Variants in SGCZ observed in about 807,000 individuals in gnomAD.
The protein encoded by SGCZ is zeta-sarcoglycan.
Under a neutral mutation model 41.3 loss-of-function variants are expected in SGCZ, and 40 were observed. The observed-to-expected ratio is 0.97, with a 90% confidence interval of 0.75 to 1.26. SGCZ has a LOEUF of 1.26. Ranked by LOEUF, SGCZ falls within the 50% of genes most tolerant of loss-of-function variation. SGCZ has a pLI of 0.00. For synonymous variants in SGCZ, 206 were observed against 137.5 expected (o/e 1.50, Z -3.49); for missense variants, 552 against 369.8 (o/e 1.49, Z -4.04).
At chr8:14,239,460 G>C (rs187540883) in intron 3 of SGCZ, among the ~76,000 whole-genome samples, 4 of 152,170 alleles carry the variant, frequency 2.6e-5, no homozygotes, top group Middle Eastern at 3.4e-3. Flanking sequence ...CTCAATATTT[G>C]TATGATATAG....
chr8:15,105,836 C>A (rs527271038), intron 1 of SGCZ, among the ~76,000 whole-genome samples: 43 of 151,986 alleles, frequency 2.8e-4, no homozygotes, highest in Non-Finnish European at 4.9e-4. Flanking sequence ...TTTTTCAAAT[C>A]CTTTTGAAAG....
At chr8:14,513,778 T>C in intron 2 of SGCZ, among the ~76,000 whole-genome samples, 1 of 152,152 alleles carries the variant, frequency 6.6e-6, no homozygotes, top group East Asian at 1.9e-4. Flanking sequence ...AATTAAAATA[T>C]GCACCAGCCC....
At chr8:14,322,285 C>T (rs1292172803) in intron 3 of SGCZ, among the ~76,000 whole-genome samples, 4 of 151,974 alleles carry the variant, frequency 2.6e-5, no homozygotes, top group African/African-American at 9.7e-5. Context: ...AAGGAAGACA[C>T]AGGAAGGACC....
chr8:15,201,801 G>T lies in SGCZ; in HGVS notation c.39+35784C>A, dbSNP rs553798566. On this transcript the variant is annotated intron_variant, in intron 1 of 7. Transcript: ENST00000382080. ...TTGAAAAGCAGGATACAGATATGTGGAGCATTTTTTTCACAGCACAGTCAT... is the reference window on the plus strand; with the variant it reads ...TTGAAAAGCAGGATACAGATATGTGTAGCATTTTTTTCACAGCACAGTCAT... Among the ~76,000 whole-genome samples the T allele has an allele frequency of 5.3e-5, 8 of 152,288 alleles. No homozygotes were observed. In the South Asian group the frequency reaches 1.7e-3, roughly 32 times the overall value.
intron 3 of SGCZ, among the ~76,000 whole-genome samples, chr8:14,260,417 G>C (rs1310449580): frequency 2.1e-5 from 3 of 143,544 alleles, no homozygotes; most frequent in African/African-American, 7.5e-5. Flanking sequence ...ACACCAGTTA[G>C]AATGGCGATC....
chr8:15,035,100 T>C (rs1803826843), intron 1 of SGCZ, among the ~76,000 whole-genome samples: 1 of 152,090 alleles, frequency 6.6e-6, no homozygotes, highest in African/African-American at 2.4e-5. Context: ...GTATTTTTAG[T>C]ATGAAGGGTA....
At chr8:14,934,229 G>A (rs1040742619) in intron 1 of SGCZ, among the ~76,000 whole-genome samples, 14 of 151,866 alleles carry the variant, frequency 9.2e-5, no homozygotes, top group Non-Finnish European at 1.3e-4. Flanking sequence ...GGGCACCACC[G>A]CATGAAAACT....
chr8:14,428,606 GA>G (rs1799856416), intron 2 of SGCZ, among the ~76,000 whole-genome samples: 1 of 152,120 alleles, frequency 6.6e-6, no homozygotes, highest in South Asian at 2.1e-4. Context: ...AGTTTACTTT[GA>G]ACTTTAGAAA....
chr8:14,223,548 A>ATAT (rs1554481809), intron 4 of SGCZ, among the ~76,000 whole-genome samples: 7 of 152,166 alleles, frequency 4.6e-5, no homozygotes, highest in South Asian at 4.1e-4. Flanking sequence ...ATATATATAT[A>ATAT]TTTTAACAGA....
rs998928223 is a variant in SGCZ at position 14,558,888 on chromosome 8, C to T, written c.40-3962G>A. On this transcript the variant is annotated intron_variant, in intron 1 of 7. Transcript: ENST00000382080. ...GAATCAGAAACAAAAATCACATAAT[C>T]ATCCCAATAGAGGCAAAAAACACAT... 3.3e-5 allele frequency among the ~76,000 whole-genome samples: 5 copies of T among 152,096 alleles called. No individual in the cohort carries two copies. The East Asian group carries it at 7.8e-4, about 24-fold the overall frequency.
intron 4 of SGCZ, among the ~76,000 whole-genome samples, chr8:14,172,585 T>C (rs1804420163): frequency 6.6e-6 from 1 of 152,138 alleles, no homozygotes; most frequent in South Asian, 2.1e-4. Context: ...TTGTTGTAAT[T>C]GTCTTTCAGA....
At chr8:15,194,289 C>T (rs1800644125) in intron 1 of SGCZ, among the ~76,000 whole-genome samples, 1 of 151,668 alleles carries the variant, frequency 6.6e-6, no homozygotes, top group Non-Finnish European at 1.5e-5. Context: ...GTAAAACATT[C>T]TGTAAAAGGT....
intron 1 of SGCZ, among the ~76,000 whole-genome samples, chr8:14,625,124 CAATAT>C (rs919598555): frequency 2.6e-5 from 4 of 152,048 alleles, no homozygotes; most frequent in African/African-American, 9.7e-5. Flanking sequence ...ACTGTGGTTG[CAATAT>C]AATACATTGC....
At chr8:14,881,474 G>A (rs991640119) in intron 1 of SGCZ, among the ~76,000 whole-genome samples, 1 of 152,086 alleles carries the variant, frequency 6.6e-6, no homozygotes, top group Non-Finnish European at 1.5e-5. Context: ...GGAGTGAAAA[G>A]ATGCAGATTG....
intron 1 of SGCZ, among the ~76,000 whole-genome samples, chr8:14,907,258 A>G (rs10111809): frequency 1 from 152,179 of 152,258 alleles, 76,050 homozygotes; most frequent in Non-Finnish European, 1. Context: ...AGAATGGCGT[A>G]ATCATGGCTC....
chr8:14,630,692 A>G (rs902918988), intron 1 of SGCZ, among the ~76,000 whole-genome samples: 1 of 130,362 alleles, frequency 7.7e-6, no homozygotes, highest in Admixed American at 7.6e-5. Flanking sequence ...CTATGCAGCC[A>G]TAAAAAAGAT....
chr8:14,086,795 T>C lies in SGCZ; in HGVS notation c.*3648A>G, dbSNP rs1040752580. On this transcript the variant is annotated 3_prime_UTR_variant, in exon 8 of 8. Coordinates refer to ENST00000382080, the MANE Select transcript of SGCZ (RefSeq NM_139167.4). ...CCAAAAAGGTTTGTATTTCAACTTT[T>C]ATAAGCAGCTTTTTAAGGTGCAGAA... 9.2e-5 allele frequency among the ~76,000 whole-genome samples: 14 copies of C among 151,830 alleles called. No homozygotes were observed. The highest frequency in any genetic ancestry group is 2.1e-4 in the Non-Finnish European group (14 of 67,746).
At chr8:14,100,790 T>G (rs1220112102) in intron 7 of SGCZ, among the ~76,000 whole-genome samples, 1 of 151,874 alleles carries the variant, frequency 6.6e-6, no homozygotes, top group Non-Finnish European at 1.5e-5. Flanking sequence ...ATTCCCCTTT[T>G]GCCTGTATTA....
chr8:14,475,391 C>T (rs1372778315), intron 2 of SGCZ, among the ~76,000 whole-genome samples: 1 of 152,064 alleles, frequency 6.6e-6, no homozygotes, highest in African/African-American at 2.4e-5. Flanking sequence ...AAAGTAGCAG[C>T]AAACATTATT....
Sources: gnomAD v4.1 joint callset for allele counts (sites outside exome capture counted in the v4.1 genomes callset) on GRCh38, gnomAD v4.1.1 for gene constraint, MANE v1.5 for transcripts, NCBI Gene and HGNC (gene_info 2026-07-23, HGNC 2026-07-21) for gene names.